GPC5: variants seen among roughly 807,000 people sequenced by gnomAD.
GPC5 encodes the protein glypican-5.
GPC5 carries 47 observed loss-of-function variants against 53.9 expected under a neutral mutation model. The observed-to-expected ratio is 0.87, with a 90% CI of 0.69 to 1.11. The LOEUF is 1.11. Among genes scored for constraint, GPC5 ranks in the 50% most tolerant of loss-of-function variants. The pLI is 0.00. For synonymous variants in GPC5, 286 were observed against 263.3 expected, an observed-to-expected ratio of 1.09 and a Z score of -0.84; for missense variants, 748 against 713.1, an observed-to-expected ratio of 1.05 and a Z score of -0.56.
At chr13:92,480,321 T>C (rs1427800978) in intron 7 of GPC5, among the ~76,000 whole-genome samples, 1 of 152,130 alleles carries the variant, frequency 6.6e-6, no homozygotes, top group African/African-American at 2.4e-5. Context: ...TCACATAAAG[T>C]GCAGTATAAT....
chr13:92,805,408 T>C (rs1877057130), intron 7 of GPC5, among the ~76,000 whole-genome samples: 1 of 152,008 alleles, frequency 6.6e-6, no homozygotes, highest in Admixed American at 6.6e-5. Flanking sequence ...ACTAGGTCAA[T>C]GGGAAGTAAT....
At chr13:91,956,009 G>A (rs891157612) in intron 6 of GPC5, among the ~76,000 whole-genome samples, 1 of 152,140 alleles carries the variant, frequency 6.6e-6, no homozygotes, top group Non-Finnish European at 1.5e-5. Context: ...CAGTACATCT[G>A]CTGCCACTGA....
chr13:92,818,265 C>G (rs1877551892), intron 7 of GPC5, among the ~76,000 whole-genome samples: 1 of 151,966 alleles, frequency 6.6e-6, no homozygotes, highest in Admixed American at 6.6e-5. Flanking sequence ...CTGCTTCGGC[C>G]TCCCAAAGTG....
chr13:92,744,561 C>T (rs1889194372), intron 7 of GPC5, among the ~76,000 whole-genome samples: 1 of 150,052 alleles, frequency 6.7e-6, no homozygotes, highest in South Asian at 2.1e-4. Flanking sequence ...GTATCAGGAG[C>T]ACACAGAGGT....
At chr13:91,739,107 C>T (rs969693972) in intron 4 of GPC5, among the ~76,000 whole-genome samples, 1 of 151,546 alleles carries the variant, frequency 6.6e-6, no homozygotes, top group South Asian at 2.1e-4. Context: ...TGCCAATTAA[C>T]ATTTTAAAAA....
intron 1 of GPC5, among the ~76,000 whole-genome samples, chr13:91,432,135 G>A (rs1222039479): frequency 6.6e-6 from 1 of 151,730 alleles, no homozygotes; most frequent in Non-Finnish European, 1.5e-5. Flanking sequence ...TAGGGGATGA[G>A]ACTGCAGTTA....
intron 5 of GPC5, among the ~76,000 whole-genome samples, chr13:91,764,748 C>T (rs1300643552): frequency 6.6e-6 from 1 of 152,110 alleles, no homozygotes; most frequent in Non-Finnish European, 1.5e-5. Flanking sequence ...GTCCTTCAAA[C>T]AATGTTTCTG....
At chr13:92,412,639 G>T (rs565566128) in intron 7 of GPC5, among the ~76,000 whole-genome samples, 11 of 152,250 alleles carry the variant, frequency 7.2e-5, no homozygotes, top group African/African-American at 2.4e-4. Flanking sequence ...GTTTATAACT[G>T]ATTTTGCACT....
chr13:91,632,741 T>C (rs1017793447), intron 2 of GPC5, among the ~76,000 whole-genome samples: 1 of 152,140 alleles, frequency 6.6e-6, no homozygotes, highest in African/African-American at 2.4e-5. Context: ...AAAGAAATGC[T>C]GCCTAACTTC....
intron 7 of GPC5, among the ~76,000 whole-genome samples, chr13:92,680,158 C>T (rs781698376): frequency 2.4e-4 from 36 of 151,978 alleles, no homozygotes; most frequent in Non-Finnish European, 4.3e-4. Context: ...CAAGAATTGC[C>T]CTGGCAGAGC....
intron 6 of GPC5, among the ~76,000 whole-genome samples, chr13:91,998,231 T>G (rs1188715229): frequency 6.6e-6 from 1 of 152,226 alleles, no homozygotes; most frequent in Non-Finnish European, 1.5e-5. Context: ...TCTTCTATTT[T>G]TCTCTGTCTG....
chr13:92,739,733 G>C (rs1425621831), intron 7 of GPC5, among the ~76,000 whole-genome samples: 3 of 150,764 alleles, frequency 2.0e-5, no homozygotes, highest in Non-Finnish European at 4.4e-5. Flanking sequence ...AAAAAAGAGA[G>C]AGAGAGAGAG....
rs375868314 is a variant in GPC5, at chr13:91,885,865, A to G, written c.1281-22072A>G. On this transcript the variant is annotated intron_variant, in intron 5 of 7. Transcript: ENST00000377067. ...GACAAATAGTTTAAAGCAATGTTCTATAGTTTCTTATGGTTTGAAAGTCAT... is the reference window on the plus strand; with the variant it reads ...GACAAATAGTTTAAAGCAATGTTCTGTAGTTTCTTATGGTTTGAAAGTCAT... Among the ~76,000 whole-genome samples, 9 of 152,134 alleles carry G rather than the reference A, an allele frequency of 5.9e-5. No homozygotes were observed. In the South Asian group the frequency reaches 8.3e-4, roughly 14 times the overall value.
At chr13:91,635,881 C>A (rs1027997353) in intron 2 of GPC5, among the ~76,000 whole-genome samples, 10 of 152,100 alleles carry the variant, frequency 6.6e-5, no homozygotes, top group African/African-American at 2.4e-4. Context: ...GACATCTTTA[C>A]AATGTAGAGT....
At chr13:92,711,191 T>A (rs1888127332) in intron 7 of GPC5, among the ~76,000 whole-genome samples, 1 of 152,156 alleles carries the variant, frequency 6.6e-6, no homozygotes, top group Non-Finnish European at 1.5e-5. Context: ...CAAGTAAAAA[T>A]TCTCTGTCAA....
intron 2 of GPC5, among the ~76,000 whole-genome samples, chr13:91,472,561 A>T (rs1882692511): frequency 2.0e-5 from 3 of 152,342 alleles, no homozygotes; most frequent in African/African-American, 4.8e-5. Flanking sequence ...AACTAAACAA[A>T]CTAGGAAGAA....
At chr13:92,760,519 T>A (rs368800776) in intron 7 of GPC5, among the ~76,000 whole-genome samples, 1 of 152,096 alleles carries the variant, frequency 6.6e-6, no homozygotes, top group Non-Finnish European at 1.5e-5. Context: ...TGTTGTAGTG[T>A]CTCCACCTTC....
intron 7 of GPC5, among the ~76,000 whole-genome samples, chr13:92,546,224 T>A (rs1487619250): frequency 6.6e-6 from 1 of 152,152 alleles, no homozygotes; most frequent in Non-Finnish European, 1.5e-5. Context: ...GGAAGTCAAA[T>A]TGTCCGCATT....
chr13:91,512,093 A>AT (rs1029589187), intron 2 of GPC5, among the ~76,000 whole-genome samples: 11 of 152,226 alleles, frequency 7.2e-5, no homozygotes, highest in East Asian at 3.9e-4. Flanking sequence ...CTTTAAATAT[A>AT]TTTTTTGCCA....
Sources: allele counts gnomAD v4.1 joint callset (sites outside exome capture counted in the v4.1 genomes callset), GRCh38; gene constraint gnomAD v4.1.1; transcripts MANE v1.5; gene names NCBI Gene and HGNC (gene_info 2026-07-23, HGNC 2026-07-21).